Variants in MGA observed in about 807,000 individuals in gnomAD.
MGA encodes the protein MAX dimerization protein MGA.
A neutral mutation model predicts 261.1 loss-of-function variants in MGA; 40 were observed. The ratio of observed to expected loss-of-function variants is 0.15; its 90% confidence interval spans 0.12 to 0.20. The LOEUF (loss-of-function observed/expected upper bound fraction) is 0.20. Among genes scored for constraint, MGA ranks in the 10% least tolerant of loss-of-function variants. The pLI is 1.00. For missense variants in MGA, 3,397 were observed against 3,630.5 expected (o/e 0.94, Z 1.65); for synonymous variants, 1,302 against 1,290.6 (o/e 1.01, Z -0.19).
At position 41,769,298 on chromosome 15, in the gene MGA, CCT is replaced by C. The variant is rs2063943629; in HGVS notation, c.*2019_*2020del. On this transcript the variant is annotated 3_prime_UTR_variant, in exon 24 of 24. Coordinates refer to ENST00000219905, the MANE Select transcript of MGA (RefSeq NM_001164273.2). Reference sequence around the variant, plus strand: ...GAAGGACCATTTTAGCTTAACACTTCCTTTTTTTTTTTTTTTTTTTTAAGAAG... The same window carrying C: ...GAAGGACCATTTTAGCTTAACACTTCTTTTTTTTTTTTTTTTTTTAAGAAG... The C allele has an allele frequency of 8.5e-6, 1 of 117,674 alleles. No individual in the cohort carries two copies. Among genetic ancestry groups the C allele is most frequent in the South Asian group, 3.0e-4 (1 of 3,300 alleles). 7.3% of individuals were successfully genotyped at this position (117,674 alleles called of 1,614,324 possible). A position where few individuals can be genotyped will look rare whatever the true frequency, so the allele number is the denominator to read the frequency against.
intron 2 of MGA, among the ~76,000 whole-genome samples, chr15:41,671,718 C>A (rs1372350985): frequency 1.3e-5 from 2 of 152,162 alleles, no homozygotes; most frequent in African/African-American, 4.8e-5. Flanking sequence ...CCTTTTCTTG[C>A]TAAAATTGTA....
intron 11 of MGA, among the ~76,000 whole-genome samples, chr15:41,730,444 G>GAA (rs921940506): frequency 7.6e-6 from 1 of 131,794 alleles, no homozygotes; most frequent in African/African-American, 3.0e-5. Flanking sequence ...TGTCTCAAAA[G>GAA]AAAAAAAAAA....
At chr15:41,673,631 T>C (rs2058206028) in intron 2 of MGA, among the ~76,000 whole-genome samples, 1 of 143,358 alleles carries the variant, frequency 7.0e-6, no homozygotes. Flanking sequence ...CAACCTCTGC[T>C]TCCTGGGTTC....
Position 41,699,105 on chromosome 15 carries a change from G to C in MGA, c.2134G>C (p.Glu712Gln), listed in dbSNP as rs1322813353. 1 of 1,612,740 alleles carries C rather than the reference G, an allele frequency of 6.2e-7. No homozygotes were observed. The change falls in exon 5 of 24, where the codon GAA (glutamate) becomes CAA (glutamine). Residue 712 changes from glutamate (E) to glutamine (Q), a missense_variant. Physicochemically the swap from Glu to Gln is conservative, Grantham distance 29 (BLOSUM62 2). Coordinates refer to ENST00000219905, the MANE Select transcript of MGA (RefSeq NM_001164273.2). ...TTCCCAGTTGGAAAAGGAATTGATA[G>C]AAGATTTGAAGACTTTGCGGCACAA...
intron 2 of MGA, among the ~76,000 whole-genome samples, chr15:41,694,904 G>A (rs2059476401): frequency 1.3e-5 from 2 of 152,100 alleles, no homozygotes; most frequent in Admixed American, 1.3e-4. Flanking sequence ...CTGAATAGCT[G>A]GTACTACAGG....
intron 1 of MGA, among the ~76,000 whole-genome samples, chr15:41,641,148 T>TAGCATGTATTA (rs2056812290): frequency 6.6e-6 from 1 of 152,236 alleles, no homozygotes; most frequent in East Asian, 1.9e-4. Context: ...ATCCATGTTG[T>TAGCATGTATTA]AGCATGTATC....
Position 41,748,575 on chromosome 15 carries a change from T to G in MGA, c.5213-62T>G, listed in dbSNP as rs2151909562. The stretch of plus-strand genomic sequence containing the variant: ...TGTCTTAAAAAATATTATGAATACT[T>G]TTTTTTCCTACGTGTGTTAAAGGGG... On this transcript the variant is annotated intron_variant, in intron 15 of 23. Transcript: ENST00000219905. 23 of 1,517,902 alleles carry G rather than the reference T, an allele frequency of 1.5e-5. No individual in the cohort carries two copies. The South Asian group carries it at 2.9e-4, about 19-fold the overall frequency. The allele number at this position is 1,517,902 out of a possible 1,614,324, so 94.0% of individuals were successfully genotyped here.
chr15:41,693,290 C>T (rs867172991), intron 2 of MGA, among the ~76,000 whole-genome samples: 2 of 148,664 alleles, frequency 1.3e-5, no homozygotes, highest in Non-Finnish European at 3.0e-5. Flanking sequence ...GTATATCTCC[C>T]AATGCTATCC....
intron 6 of MGA, 92 bp from the exon 7 acceptor site, chr15:41,708,012 A>AAAT: frequency 7.4e-7 from 1 of 1,351,596 alleles, no homozygotes; most frequent in Non-Finnish European, 1.0e-6. Context: ...AGTGATTTAT[A>AAAT]CACTTACCAA....
At chr15:41,684,405 C>T in intron 2 of MGA, 1 of 452,646 alleles carries the variant, frequency 2.2e-6, no homozygotes, top group African/African-American at 2.0e-5. Context: ...TATTCTTTTG[C>T]CTAATTTATT....
intron 11 of MGA, among the ~76,000 whole-genome samples, chr15:41,733,261 C>A (rs1387925613): frequency 3.9e-5 from 6 of 151,968 alleles, no homozygotes; most frequent in Non-Finnish European, 8.8e-5. Context: ...CCAGCCTGTT[C>A]CTCTACTTTC....
chr15:41,697,956 C>T (rs550235692), intron 3 of MGA, among the ~76,000 whole-genome samples: 3 of 151,612 alleles, frequency 2.0e-5, no homozygotes, highest in East Asian at 1.9e-4. Context: ...GCAAACTCCG[C>T]CTCCTGTGTT....
intron 11 of MGA, 84 bp downstream of exon 11, chr15:41,729,433 A>C: frequency 7.6e-7 from 1 of 1,323,816 alleles, no homozygotes; most frequent in Non-Finnish European, 1.0e-6. Context: ...CAGAATAATA[A>C]TTATCCTACA....
rs759278983 is a variant in MGA at position 41,669,060 on chromosome 15, T to C, written c.166T>C (p.Ser56Pro). 1 of 1,611,734 alleles carries C rather than the reference T, an allele frequency of 6.2e-7. No individual in the cohort carries two copies. The highest frequency in any genetic ancestry group is 2.2e-5 in the East Asian group (1 of 44,796). The change falls in exon 2 of 24, where the codon TCA becomes CCA. Residue 56 changes from serine (S) to proline (P), a missense_variant. This residue lies in a region of MGA where 81 missense variants were observed against 84.3 expected (regional missense o/e 0.96). Transcript: ENST00000219905. ...CTGTGCTTTGGCTAGTAGTGTGTCA[T>C]CACCAGTAAAATCTAAAGGGAAGAT...
chr15:41,749,445 G>C lies in MGA; in HGVS notation c.5838G>C (p.Leu1946Phe). The change falls in exon 17 of 24, where the codon TTG becomes TTC. Residue 1946 changes from leucine (L) to phenylalanine (F), a missense_variant. Physicochemically the swap from Leu to Phe is conservative, Grantham distance 22. Coordinates refer to ENST00000219905, the MANE Select transcript of MGA (RefSeq NM_001164273.2). ...CTCTCCAGTCTGGTAGTTTTGCCTT[G>C]TTACAGCTCCCAGGACAAAAGCCTG... The C allele has an allele frequency of 6.2e-7, 1 of 1,613,960 alleles. No individual in the cohort carries two copies. The highest frequency in any genetic ancestry group is 8.5e-7 in the Non-Finnish European group (1 of 1,179,890).
chr15:41,710,445 T>C (rs1328853326), intron 7 of MGA, among the ~76,000 whole-genome samples: 7 of 152,146 alleles, frequency 4.6e-5, no homozygotes, highest in African/African-American at 1.7e-4. Flanking sequence ...TTATTTATGT[T>C]TTTAGGGACA....
At chr15:41,656,344 T>TCCTC (rs149903830), upstream of MGA, among the ~76,000 whole-genome samples, 32 of 60,036 alleles carry the variant, frequency 5.3e-4, no homozygotes, top group African/African-American at 1.5e-3. Flanking sequence ...CTCTCCTCTC[T>TCCTC]TCTCTCTCTC....
intron 2 of MGA, among the ~76,000 whole-genome samples, chr15:41,695,031 G>T (rs1183051557): frequency 1.3e-5 from 2 of 152,112 alleles, no homozygotes; most frequent in Non-Finnish European, 2.9e-5. Flanking sequence ...ATATATAGTG[G>T]TGTGTATAGT....
At chr15:41,696,011 T>A in intron 2 of MGA, 64 bp from the exon 3 acceptor site, 1 of 1,142,380 alleles carries the variant, frequency 8.8e-7, no homozygotes. Context: ...TTTTTTTTTC[T>A]CTTCAAGTCT....
Sources: gnomAD v4.1 joint callset for allele counts (sites outside exome capture counted in the v4.1 genomes callset) on GRCh38, gnomAD v4.1.1 for gene constraint, gnomAD v4.1.1 regional missense constraint, MANE v1.5 for transcripts, NCBI Gene and HGNC (gene_info 2026-07-23, HGNC 2026-07-21) for gene names.